RXFP1: variants seen among roughly 807,000 people sequenced by gnomAD.
The protein encoded by RXFP1 is relaxin family peptide receptor 1.
RXFP1 carries 73 observed loss-of-function variants against 89.8 expected under a neutral mutation model. The observed-to-expected ratio is 0.81, with a 90% CI of 0.67 to 0.99. RXFP1 has a LOEUF of 0.99. Among genes scored for constraint, RXFP1 ranks in the 50% least tolerant of loss-of-function variants. The pLI is 0.00. For missense variants in RXFP1, 793 were observed against 895.5 expected, an observed-to-expected ratio of 0.89 and a Z score of 1.46; for synonymous variants, 277 against 305.5, an observed-to-expected ratio of 0.91 and a Z score of 0.97.
chr4:158,602,614 G>T (rs1194657658), intron 4 of RXFP1, among the ~76,000 whole-genome samples: 5 of 151,832 alleles, frequency 3.3e-5, no homozygotes, highest in Admixed American at 3.3e-4. Context: ...TAAGACTGAA[G>T]TTATTATTCA....
intron 9 of RXFP1, among the ~76,000 whole-genome samples, chr4:158,618,708 G>A (rs1323273140): frequency 6.6e-6 from 1 of 151,942 alleles, no homozygotes; most frequent in Non-Finnish European, 1.5e-5. Context: ...TCTGATTTAG[G>A]GGAAAAATAC....
chr4:158,562,128 GC>G (rs1201845638), intron 1 of RXFP1, among the ~76,000 whole-genome samples: 1 of 151,902 alleles, frequency 6.6e-6, no homozygotes, highest in African/African-American at 2.4e-5. Flanking sequence ...TTCCTTAATT[GC>G]CTAATTCTCT....
At chr4:158,566,540 TTTTTAGTAG>T (rs1206753879) in intron 1 of RXFP1, among the ~76,000 whole-genome samples, 1 of 152,126 alleles carries the variant, frequency 6.6e-6, no homozygotes, top group Non-Finnish European at 1.5e-5. Flanking sequence ...ACCTTTTGCA[TTTTTAGTAG>T]AGATGAGGTT....
chr4:158,614,161 T>C (rs77864564), intron 8 of RXFP1, among the ~76,000 whole-genome samples: 5 of 152,170 alleles, frequency 3.3e-5, no homozygotes, highest in African/African-American at 1.2e-4. Context: ...TGTTGTTCCA[T>C]TGATGGAGCA....
chr4:158,599,856 A>G (rs1761349804), intron 4 of RXFP1, among the ~76,000 whole-genome samples: 1 of 152,204 alleles, frequency 6.6e-6, no homozygotes, highest in African/African-American at 2.4e-5. Flanking sequence ...AAAAAAGAAA[A>G]TAAGGTAAAT....
intron 14 of RXFP1, among the ~76,000 whole-genome samples, 197 bp downstream of exon 14, chr4:158,639,528 A>C (rs542405185): frequency 6.6e-6 from 1 of 152,264 alleles, no homozygotes; most frequent in African/African-American, 2.4e-5. Flanking sequence ...TTGGGAGGTG[A>C]CTAGGTCATG....
In RXFP1 at chr4:158,626,112, A is replaced by C. The variant is rs755954834; in HGVS notation, c.756-708A>C. On this transcript the variant is annotated intron_variant, in intron 9 of 17. Coordinates refer to ENST00000307765, the MANE Select transcript of RXFP1 (RefSeq NM_021634.4). ...AGGAGGATTATATTTAGATATCTAT[A>C]TAGATAGATAGATAGATAGATAGAT... is the stretch of plus-strand genomic sequence containing the variant. Among the ~76,000 whole-genome samples the C allele has an allele frequency of 7.0e-3, 101 of 14,524 alleles. 1 individual carries two copies. The highest frequency in any genetic ancestry group is 0.028 in the South Asian group (8 of 290). The allele number at this position is 14,524 out of a possible 152,430, so 9.5% of individuals were successfully genotyped here. A position where few individuals can be genotyped will look rare whatever the true frequency, so the allele number is the denominator to read the frequency against.
intron 1 of RXFP1, among the ~76,000 whole-genome samples, chr4:158,525,890 A>G (rs1183540001): frequency 6.6e-6 from 1 of 152,260 alleles, no homozygotes; most frequent in Non-Finnish European, 1.5e-5. Flanking sequence ...AGCCTATGCT[A>G]TTAAACATGA....
intron 6 of RXFP1, among the ~76,000 whole-genome samples, chr4:158,609,654 A>G (rs914801471): frequency 7.2e-5 from 11 of 152,178 alleles, no homozygotes; most frequent in South Asian, 2.1e-4. Flanking sequence ...GTAATTTACT[A>G]GCAAAATGGA....
intron 11 of RXFP1, 63 bp downstream of exon 11, chr4:158,628,772 T>G: frequency 4.9e-6 from 4 of 809,842 alleles, no homozygotes; most frequent in Non-Finnish European, 7.9e-6. Flanking sequence ...ACACTTGTAC[T>G]TACATGTGTT....
chr4:158,557,160 G>C (rs1751492110), intron 1 of RXFP1, among the ~76,000 whole-genome samples: 1 of 152,060 alleles, frequency 6.6e-6, no homozygotes, highest in South Asian at 2.1e-4. Flanking sequence ...GTATAACATA[G>C]ATATATATGG....
At chr4:158,524,305 T>C (rs1337534118) in intron 1 of RXFP1, among the ~76,000 whole-genome samples, 3 of 152,200 alleles carry the variant, frequency 2.0e-5, no homozygotes, top group African/African-American at 7.2e-5. Flanking sequence ...AAATGGGCTT[T>C]GAAAACTATA....
At chr4:158,630,953 G>A (rs1767911501) in intron 11 of RXFP1, among the ~76,000 whole-genome samples, 1 of 152,174 alleles carries the variant, frequency 6.6e-6, no homozygotes, top group Non-Finnish European at 1.5e-5. Context: ...TTGCCACGTG[G>A]GTGACTTAAT....
intron 8 of RXFP1, among the ~76,000 whole-genome samples, chr4:158,612,737 AG>A (rs1242276226): frequency 6.6e-6 from 1 of 152,006 alleles, no homozygotes; most frequent in Non-Finnish European, 1.5e-5. Context: ...CAGCCTCCCA[AG>A]TAGCTGGGAT....
At chr4:158,557,814 A>G (rs929877827) in intron 1 of RXFP1, among the ~76,000 whole-genome samples, 2 of 152,206 alleles carry the variant, frequency 1.3e-5, no homozygotes, top group African/African-American at 2.4e-5. Context: ...ATGCCTCATC[A>G]TTGTCATGGA....
Position 158,645,021 on chromosome 4 carries a change from G to C in RXFP1, c.1228G>C (p.Val410Leu). ...ENLLASIIQR[V>L]FVWVVSAVTC... ...TCTCTTGGCAAGCATTATTCAGAGA[G>C]TATTTGTCTGGGTTGTATCTGCAGT... The change falls in exon 15 of 18, where the codon GTA becomes CTA. Residue 410 changes from valine to leucine, a missense_variant. Transcript: ENST00000307765. 1 of 1,614,150 alleles carries C rather than the reference G, an allele frequency of 6.2e-7. No homozygotes were observed. The highest frequency in any genetic ancestry group is 2.2e-5 in the East Asian group (1 of 44,876).
intron 2 of RXFP1, among the ~76,000 whole-genome samples, chr4:158,581,506 G>A (rs780696751): frequency 2.0e-5 from 3 of 152,100 alleles, no homozygotes; most frequent in Non-Finnish European, 4.4e-5. Context: ...AAGGATTTTG[G>A]TTTTAAAAAG....
chr4:158,578,078 T>C (rs150206634), intron 2 of RXFP1, among the ~76,000 whole-genome samples: 1,967 of 152,334 alleles, frequency 0.013, 25 homozygotes, highest in Non-Finnish European at 0.019. Flanking sequence ...TTACACAATA[T>C]GGAATTTACA....
chr4:158,542,772 A>G (rs559616233), intron 1 of RXFP1, among the ~76,000 whole-genome samples: 17 of 151,854 alleles, frequency 1.1e-4, no homozygotes, highest in South Asian at 2.1e-4. Flanking sequence ...GCTCCTTTCC[A>G]TAGTAGAGAG....
Sources: allele counts gnomAD v4.1 joint callset (sites outside exome capture counted in the v4.1 genomes callset), GRCh38; gene constraint gnomAD v4.1.1; transcripts MANE v1.5; gene names NCBI Gene and HGNC (gene_info 2026-07-23, HGNC 2026-07-21).